Variants in HMCN1 observed in about 807,000 individuals in gnomAD.
HMCN1 encodes hemicentin-1.
A neutral mutation model predicts 625.9 loss-of-function variants in HMCN1; 321 were observed. The observed-to-expected ratio is 0.51, with a 90% CI of 0.47 to 0.56. The LOEUF is 0.56. Ranked by LOEUF, HMCN1 falls within the 20% of genes least tolerant of loss-of-function variation. The pLI is 0.00. For missense variants in HMCN1, 6,588 were observed against 6,887.3 expected, an observed-to-expected ratio of 0.96 and a Z score of 1.54; for synonymous variants, 2,425 against 2,417.6, an observed-to-expected ratio of 1.00 and a Z score of -0.09.
intron 11 of HMCN1, among the ~76,000 whole-genome samples, chr1:185,958,902 G>A (rs145087398): frequency 4.9e-4 from 75 of 152,210 alleles, no homozygotes; most frequent in African/African-American, 1.7e-3. Context: ...AGGCACTGAC[G>A]GAAGGAAAGC....
chr1:186,009,907 T>A (rs1445761638), intron 30 of HMCN1, among the ~76,000 whole-genome samples: 1 of 152,070 alleles, frequency 6.6e-6, no homozygotes, highest in Non-Finnish European at 1.5e-5. Flanking sequence ...CCAGGGTCGG[T>A]TTTGTGGAAC....
At chr1:186,173,864 A>G (rs534367186) in intron 102 of HMCN1, among the ~76,000 whole-genome samples, 3 of 152,288 alleles carry the variant, frequency 2.0e-5, no homozygotes, top group African/African-American at 7.2e-5. Flanking sequence ...ATTGAAGGAA[A>G]TAGAACTACC....
intron 105 of HMCN1, among the ~76,000 whole-genome samples, chr1:186,187,382 C>T (rs680638): frequency 0.81 from 123,453 of 152,002 alleles, 50,818 homozygotes; most frequent in African/African-American, 0.95. Context: ...CTCCTGAATT[C>T]ATAACTTGAC....
intron 1 of HMCN1, among the ~76,000 whole-genome samples, chr1:185,803,038 G>A (rs1658903650): frequency 6.6e-6 from 1 of 151,706 alleles, no homozygotes; most frequent in African/African-American, 2.4e-5. Flanking sequence ...TTTTCTCTTT[G>A]GCTCCTAGAA....
chr1:186,103,441 T>G, intron 68 of HMCN1, 31 bp from the exon 69 acceptor site: 1 of 1,564,130 alleles, frequency 6.4e-7, no homozygotes, highest in Non-Finnish European at 8.8e-7. Flanking sequence ...AAACTGTGGG[T>G]TTATTATTAT....
intron 11 of HMCN1, among the ~76,000 whole-genome samples, chr1:185,945,987 A>G (rs1456690312): frequency 6.6e-6 from 1 of 152,206 alleles, no homozygotes; most frequent in Non-Finnish European, 1.5e-5. Context: ...AGGCTGGATG[A>G]AAAAGGAAGA....
rs529028153 is a variant in HMCN1 at position 185,788,280 on chromosome 1, A to T, written c.268+53233A>T. The stretch of plus-strand genomic sequence containing the variant: ...GTGGCATTATAAAATTGTCAGTTCA[A>T]CACATCTGTACATACATATGTAAGG... On this transcript the variant is annotated intron_variant, in intron 1 of 106. Transcript: ENST00000271588. 3.7e-3 allele frequency among the ~76,000 whole-genome samples: 571 copies of T among 152,346 alleles called. 3 individuals carry two copies. Among genetic ancestry groups the T allele is most frequent in the South Asian group, 7.7e-3 (37 of 4,824 alleles).
intron 52 of HMCN1, 37 bp downstream of exon 52, chr1:186,070,794 T>G (rs1193733902): frequency 6.2e-7 from 1 of 1,601,604 alleles, no homozygotes; most frequent in South Asian, 1.1e-5. Context: ...GATGATTTCT[T>G]AAAGACTAAA....
intron 4 of HMCN1, among the ~76,000 whole-genome samples, chr1:185,892,927 G>C (rs1413435933): frequency 6.6e-6 from 1 of 152,130 alleles, no homozygotes; most frequent in Non-Finnish European, 1.5e-5. Flanking sequence ...CCGCCTTGCA[G>C]TTTGATCTCA....
At chr1:185,825,975 A>G (rs1264797527) in intron 1 of HMCN1, among the ~76,000 whole-genome samples, 1 of 152,228 alleles carries the variant, frequency 6.6e-6, no homozygotes, top group Admixed American at 6.5e-5. Flanking sequence ...TAAATATTTA[A>G]AAGTTATCTT....
In HMCN1 at chr1:186,114,068, A is replaced by G. The variant is rs751897926; in HGVS notation, c.11221A>G (p.Thr3741Ala). ...VLECIAEGVP[T>A]PRITWRKDGA... Reference sequence around the variant, plus strand: ...GGAATGCATCGCTGAAGGTGTGCCAACTCCAAGGATAACATGGAGAAAGGA... The same window carrying G: ...GGAATGCATCGCTGAAGGTGTGCCAGCTCCAAGGATAACATGGAGAAAGGA... The change falls in exon 73 of 107, where the codon ACT (threonine) becomes GCT (alanine). Residue 3741 changes from threonine (T) to alanine (A), a missense_variant. Physicochemically the swap from Thr to Ala is moderately conservative, Grantham distance 58 (BLOSUM62 0). Transcript: ENST00000271588. 1.7e-5 allele frequency: 28 copies of G among 1,613,980 alleles called. No individual in the cohort carries two copies. The highest frequency in any genetic ancestry group is 2.2e-5 in the East Asian group (1 of 44,880).
At chr1:185,998,852 TATTA>T (rs1322382234) in intron 25 of HMCN1, among the ~76,000 whole-genome samples, 4 of 152,252 alleles carry the variant, frequency 2.6e-5, no homozygotes, top group Non-Finnish European at 5.9e-5. Flanking sequence ...TATTAACAAG[TATTA>T]ATTAAGTAGT....
At chr1:186,165,961 TTG>T (rs1438218579) in intron 98 of HMCN1, among the ~76,000 whole-genome samples, 1 of 152,256 alleles carries the variant, frequency 6.6e-6, no homozygotes, top group Non-Finnish European at 1.5e-5. Context: ...ATTATCATTG[TTG>T]TTTTAGGATA....
At chr1:185,783,110 T>C (rs1657264798) in intron 1 of HMCN1, among the ~76,000 whole-genome samples, 1 of 152,222 alleles carries the variant, frequency 6.6e-6, no homozygotes, top group South Asian at 2.1e-4. Context: ...CTTCAATCAC[T>C]GATATCCTTT....
intron 15 of HMCN1, among the ~76,000 whole-genome samples, chr1:185,974,867 T>C (rs1651087467): frequency 6.6e-6 from 1 of 152,146 alleles, no homozygotes; most frequent in African/African-American, 2.4e-5. Context: ...CCTGTCTTAA[T>C]TGAGTTTTGT....
chr1:185,993,562 T>C, intron 23 of HMCN1: 2 of 416,514 alleles, frequency 4.8e-6, no homozygotes, highest in Non-Finnish European at 9.0e-6. Flanking sequence ...TTTCTACTGG[T>C]CAACAGTCAC....
chr1:185,985,749 T>C (rs1336197879), intron 19 of HMCN1, among the ~76,000 whole-genome samples: 2 of 152,202 alleles, frequency 1.3e-5, no homozygotes, highest in Non-Finnish European at 2.9e-5. Flanking sequence ...TCTCTATACC[T>C]CTGTATTTAT....
intron 2 of HMCN1, among the ~76,000 whole-genome samples, chr1:185,846,457 A>G (rs527473638): frequency 5.9e-5 from 9 of 152,196 alleles, no homozygotes; most frequent in African/African-American, 2.2e-4. Context: ...CTTTTCCCAT[A>G]AAATTAATGG....
In HMCN1 at chr1:186,088,233, C is replaced by A. The variant is rs1381937673; in HGVS notation, c.9534C>A (p.Ile3178=). ...CATTAACATGTGATGCCACTGGGATCCCACCTCCCACGATAGCATGGTTAA... is the reference window on the plus strand; with the variant it reads ...CATTAACATGTGATGCCACTGGGATACCACCTCCCACGATAGCATGGTTAA... ...PVTLTCDATG[I]PPPTIAWLKN... Residue 3178 remains isoleucine (I), a synonymous_variant, in exon 62 of 107, where the codon ATC becomes ATA. Transcript: ENST00000271588. The A allele has an allele frequency of 6.2e-7, 1 of 1,612,722 alleles. No individual in the cohort carries two copies. The highest frequency in any genetic ancestry group is 8.5e-7 in the Non-Finnish European group (1 of 1,179,318).
Sources: gnomAD v4.1 joint callset for allele counts (sites outside exome capture counted in the v4.1 genomes callset) on GRCh38, gnomAD v4.1.1 for gene constraint, MANE v1.5 for transcripts, NCBI Gene and HGNC (gene_info 2026-07-23, HGNC 2026-07-21) for gene names.